ZFYVE26: variants seen among roughly 807,000 people sequenced by gnomAD.
The protein encoded by ZFYVE26 is zinc finger FYVE domain-containing protein 26.
Under a neutral mutation model 276.5 loss-of-function variants are expected in ZFYVE26, and 181 were observed. The observed-to-expected ratio is 0.65, with a 90% CI of 0.58 to 0.74. The LOEUF (loss-of-function observed/expected upper bound fraction) is 0.74, where lower values mean the gene tolerates loss of function less well. ZFYVE26 is among the 30% of genes least tolerant of loss of function. The probability of loss-of-function intolerance (pLI) is 0.00; values close to 1 mark genes in which losing one functional copy is unlikely to be tolerated. For missense variants in ZFYVE26, 2,821 were observed against 3,097.9 expected, an observed-to-expected ratio of 0.91 and a Z score of 2.12; for synonymous variants, 1,129 against 1,203.1, an observed-to-expected ratio of 0.94 and a Z score of 1.27.
chr14:67,800,468 A>G (rs1325140930), intron 10 of ZFYVE26, among the ~76,000 whole-genome samples: 2 of 152,166 alleles, frequency 1.3e-5, no homozygotes, highest in African/African-American at 4.8e-5. Flanking sequence ...TGTATTAAAT[A>G]TGTCCAGTTT....
At chr14:67,748,775 A>C (rs185269926) in intron 41 of ZFYVE26, 136 bp from the exon 42 acceptor site, 20 of 873,470 alleles carry the variant, frequency 2.3e-5, no homozygotes. Context: ...CATGTATTTT[A>C]TGGTATTATA....
downstream of ZFYVE26, chr14:67,746,391 T>C (rs536864058): frequency 5.9e-5 from 9 of 152,316 alleles, no homozygotes; most frequent in African/African-American, 2.2e-4. Flanking sequence ...TCATTAGTCA[T>C]TATGGGGATT....
chr14:67,808,015 T>C (rs1007011654), intron 4 of ZFYVE26, 95 bp from the exon 5 acceptor site: 42 of 1,439,080 alleles, frequency 2.9e-5, no homozygotes, highest in Non-Finnish European at 3.7e-5. Flanking sequence ...AGTTTACTTA[T>C]ATAATAGTGG....
At chr14:67,735,074 C>A in intron 13 of ZFYVE26, 2 of 709,390 alleles carry the variant, frequency 2.8e-6, no homozygotes, top group Non-Finnish European at 5.2e-6. Context: ...GCAAATGACA[C>A]CAAATATCGG....
chr14:67,804,071 T>G, intron 9 of ZFYVE26, 30 bp downstream of exon 9: 1 of 1,613,226 alleles, frequency 6.2e-7, no homozygotes. Context: ...TAAGAGGAAA[T>G]CCTGGCCAGG....
intron 29 of ZFYVE26, 147 bp from the exon 30 acceptor site, chr14:67,768,695 T>C: frequency 1.3e-6 from 1 of 763,422 alleles, no homozygotes; most frequent in South Asian, 1.5e-5. Context: ...GAGTCCCCCA[T>C]CAATACTAAC....
chr14:67,739,049 G>T (rs991122380), intron 13 of ZFYVE26, among the ~76,000 whole-genome samples: 26 of 152,166 alleles, frequency 1.7e-4, no homozygotes, highest in Non-Finnish European at 1.5e-4. Context: ...GCAACCGTGC[G>T]GATCACATTT....
At chr14:67,760,343 AC>A (rs1182284947) in intron 35 of ZFYVE26, among the ~76,000 whole-genome samples, 2 of 151,846 alleles carry the variant, frequency 1.3e-5, no homozygotes, top group African/African-American at 4.8e-5. Flanking sequence ...TGGTAAAAAC[AC>A]CCCCCTTCAG....
chr14:67,814,013 T>C lies in ZFYVE26; in HGVS notation c.246A>G (p.Val82=). Residue 82 remains valine (V), a synonymous_variant, in exon 3 of 42, where the codon GTA becomes GTG. Transcript: ENST00000347230. The part of the protein sequence containing the change: ...PQRVAWVWLL[V]LEKWLAREKK... ...TTTCCCGGGCCAACCATTTCTCCAG[T>C]ACAAGAAGCCAGACCCAGGCTACTC... The C allele has an allele frequency of 1.9e-6, 3 of 1,613,996 alleles. No homozygotes were observed. Among genetic ancestry groups the C allele is most frequent in the Non-Finnish European group, 1.7e-6 (2 of 1,179,928 alleles).
At chr14:67,764,941 T>A (rs559439196) in intron 32 of ZFYVE26, among the ~76,000 whole-genome samples, 2 of 152,220 alleles carry the variant, frequency 1.3e-5, no homozygotes, top group Admixed American at 1.3e-4. Context: ...CTTTTCCTTT[T>A]TTCATTTACA....
intron 15 of ZFYVE26, among the ~76,000 whole-genome samples, chr14:67,790,035 G>A (rs1192610787): frequency 1.3e-5 from 2 of 152,204 alleles, no homozygotes; most frequent in Non-Finnish European, 2.9e-5. Flanking sequence ...ATATGTGATG[G>A]TACCATGGTA....
chr14:67,765,987 A>C (rs1844755945), intron 32 of ZFYVE26, among the ~76,000 whole-genome samples: 4 of 152,206 alleles, frequency 2.6e-5, no homozygotes, highest in Admixed American at 2.6e-4. Context: ...TGGTATAGCT[A>C]GAGTAAACTC....
rs928505598 is a variant in ZFYVE26, at chr14:67,790,792, T to G, written c.2554-19A>C. On this transcript the variant is annotated intron_variant, in intron 14 of 41. Coordinates refer to ENST00000347230, the MANE Select transcript of ZFYVE26 (RefSeq NM_015346.4). ...ACAGCACCTGTCATAGGAGAGGGAG[T>G]GTGTGGGCCCTGGTGGTCCCACTGA... 6.2e-7 allele frequency: 1 copy of G among 1,611,148 alleles called. No homozygotes were observed.
chr14:67,815,609 G>A (rs895348059), intron 2 of ZFYVE26, 161 bp downstream of exon 2: 1 of 730,364 alleles, frequency 1.4e-6, no homozygotes, highest in Admixed American at 2.0e-5. Flanking sequence ...CTAAGTAATG[G>A]ATGTATACTA....
chr14:67,790,893 G>T, intron 14 of ZFYVE26, 120 bp from the exon 15 acceptor site: 1 of 888,482 alleles, frequency 1.1e-6, no homozygotes, highest in South Asian at 1.3e-5. Context: ...TGCTTTGTAG[G>T]GTCAGAAGAG....
chr14:67,759,973 C>T (rs1236836382), intron 35 of ZFYVE26, among the ~76,000 whole-genome samples: 1 of 152,164 alleles, frequency 6.6e-6, no homozygotes, highest in South Asian at 2.1e-4. Context: ...CTTTTCTCCT[C>T]TCCCTACCTG....
intron 28 of ZFYVE26, among the ~76,000 whole-genome samples, chr14:67,770,671 G>C (rs1413597662): frequency 6.6e-6 from 1 of 152,128 alleles, no homozygotes. Flanking sequence ...ATTTAAGAGA[G>C]ATAACTTAAG....
At chr14:67,797,949 C>T in intron 11 of ZFYVE26, 65 bp downstream of exon 11, 1 of 1,611,508 alleles carries the variant, frequency 6.2e-7, no homozygotes, top group South Asian at 1.1e-5. Flanking sequence ...CTAGCTCTCT[C>T]CCATATTCCT....
At chr14:67,812,182 A>C (rs1490788524) in intron 3 of ZFYVE26, among the ~76,000 whole-genome samples, 1 of 152,128 alleles carries the variant, frequency 6.6e-6, no homozygotes, top group Non-Finnish European at 1.5e-5. Context: ...GTGGTATAGT[A>C]TTTTACATAT....
Sources: gnomAD v4.1 joint callset for allele counts (sites outside exome capture counted in the v4.1 genomes callset) on GRCh38, gnomAD v4.1.1 for gene constraint, MANE v1.5 for transcripts, NCBI Gene and HGNC (gene_info 2026-07-23, HGNC 2026-07-21) for gene names.